FRMD5: variants seen among roughly 807,000 people sequenced by gnomAD.
FRMD5 encodes FERM domain-containing protein 5.
FRMD5 carries 20 observed loss-of-function variants against 69.0 expected under a neutral mutation model. The ratio of observed to expected loss-of-function variants is 0.29; its 90% CI spans 0.20 to 0.42. The LOEUF is 0.42. Ranked by LOEUF, FRMD5 falls within the 10% of genes least tolerant of loss-of-function variation. The probability of loss-of-function intolerance (pLI) is 1.00; values close to 1 mark genes in which losing one functional copy is unlikely to be tolerated. For synonymous variants in FRMD5, 271 were observed against 260.1 expected, an observed-to-expected ratio of 1.04 and a Z score of -0.40; for missense variants, 595 against 708.6, an observed-to-expected ratio of 0.84 and a Z score of 1.82.
intron 1 of FRMD5, among the ~76,000 whole-genome samples, chr15:44,095,130 T>C (rs1196750519): frequency 6.6e-6 from 1 of 151,954 alleles, no homozygotes; most frequent in African/African-American, 2.4e-5. Context: ...ATCTGAGACC[T>C]GATCAGAATC....
chr15:44,023,708 C>CTA (rs770780378), intron 1 of FRMD5, among the ~76,000 whole-genome samples: 14 of 152,156 alleles, frequency 9.2e-5, no homozygotes, highest in Admixed American at 2.0e-4. Flanking sequence ...AATTGGCAAA[C>CTA]ACTAAAGTCT....
intron 1 of FRMD5, among the ~76,000 whole-genome samples, chr15:44,145,429 G>A (rs2077341419): frequency 6.6e-6 from 1 of 152,088 alleles, no homozygotes; most frequent in Admixed American, 6.6e-5. Context: ...CAGTGTTCTT[G>A]TACCAGTGAA....
intron 1 of FRMD5, among the ~76,000 whole-genome samples, chr15:44,059,397 C>G (rs1270165670): frequency 5.9e-5 from 9 of 152,136 alleles, no homozygotes; most frequent in Admixed American, 5.9e-4. Flanking sequence ...CTAGAATTTT[C>G]TCTGGGCCTT....
intron 1 of FRMD5, chr15:44,194,740 C>T: frequency 1.5e-6 from 1 of 653,838 alleles, no homozygotes; most frequent in East Asian, 3.0e-5. Flanking sequence ...CGGAGACTCG[C>T]CCCGCGGCGG....
chr15:44,022,363 G>C (rs1891244626), intron 1 of FRMD5, among the ~76,000 whole-genome samples: 1 of 151,352 alleles, frequency 6.6e-6, no homozygotes, highest in South Asian at 2.1e-4. Context: ...CCAGGAGTTT[G>C]AGACCAGCCT....
chr15:44,171,974 G>A lies in FRMD5; in HGVS notation c.102+22979C>T, dbSNP rs773653127. On this transcript the variant is annotated intron_variant, in intron 1 of 13. Transcript: ENST00000417257. The stretch of plus-strand genomic sequence containing the variant: ...AGACATGGTTTCACCATGTTGGCCA[G>A]GCTGGTCTCAAACTCCTGACCTCAA... Among the ~76,000 whole-genome samples the A allele has an allele frequency of 8.2e-4, 125 of 152,088 alleles. 1 individual carries two copies. The highest frequency in any genetic ancestry group is 1.4e-3 in the Non-Finnish European group (97 of 68,010).
rs969519315 is a variant in FRMD5 at position 44,195,010 on chromosome 15, G to C, written c.45C>G (p.Arg15=). The part of the protein sequence containing the change: ...LMSGSSRSLE[R]EYSCTVRLLD... ...GCAGCCGCACGGTGCAGCTGTACTCGCGCTCCAGGCTCCTGCTGCTGCCGC... is the reference window on the plus strand; with the variant it reads ...GCAGCCGCACGGTGCAGCTGTACTCCCGCTCCAGGCTCCTGCTGCTGCCGC... The change falls in exon 1 of 14, where the codon CGC becomes CGG. Residue 15 remains arginine, a synonymous_variant. Coordinates refer to ENST00000417257, the MANE Select transcript of FRMD5 (RefSeq NM_032892.5). 3 of 1,560,128 alleles carry C rather than the reference G, an allele frequency of 1.9e-6. No individual in the cohort carries two copies. The highest frequency in any genetic ancestry group is 1.4e-5 in the African/African-American group (1 of 71,994).
chr15:44,024,376 C>A (rs922683495), intron 1 of FRMD5, among the ~76,000 whole-genome samples: 2 of 152,238 alleles, frequency 1.3e-5, no homozygotes, highest in African/African-American at 4.8e-5. Context: ...CTTCACAACA[C>A]CAGAGTGTTC....
chr15:43,959,718 C>T (rs2090167018), intron 1 of FRMD5, among the ~76,000 whole-genome samples: 1 of 152,102 alleles, frequency 6.6e-6, no homozygotes, highest in Admixed American at 6.5e-5. Flanking sequence ...ACTCCACTGA[C>T]AATATTTTTT....
At chr15:44,195,521 C>T (rs1396729700), upstream of FRMD5, among the ~76,000 whole-genome samples, 19 of 152,314 alleles carry the variant, frequency 1.2e-4, no homozygotes, top group Non-Finnish European at 2.9e-5. Flanking sequence ...GATGCTGTTT[C>T]CCCTCCCCCG....
intron 1 of FRMD5, among the ~76,000 whole-genome samples, chr15:44,059,045 G>A (rs1892985994): frequency 6.6e-6 from 1 of 152,182 alleles, no homozygotes; most frequent in African/African-American, 2.4e-5. Flanking sequence ...AGGAACCTGT[G>A]CAACTGGCAG....
chr15:43,938,849 C>T (rs2089810044), intron 1 of FRMD5, among the ~76,000 whole-genome samples: 2 of 152,082 alleles, frequency 1.3e-5, no homozygotes, highest in Non-Finnish European at 2.9e-5. Context: ...ACACCATGCT[C>T]ATCCTTAATA....
intron 13 of FRMD5, chr15:43,875,840 C>G: frequency 4.7e-5 from 7 of 148,928 alleles, no homozygotes; most frequent in East Asian, 3.6e-4. Context: ...TTCAGTCTTT[C>G]ATATGATTTT....
intron 1 of FRMD5, among the ~76,000 whole-genome samples, chr15:44,191,922 T>TATATATATATATATATATATATATA (rs1279440991): frequency 1.1e-4 from 1 of 8,928 alleles, no homozygotes; most frequent in African/African-American, 5.3e-4. Flanking sequence ...TATATATATA[T>TATATATATATATATATATATATATA]TATATATATA....
chr15:43,997,745 T>A (rs1189411332), intron 1 of FRMD5, among the ~76,000 whole-genome samples: 3 of 152,152 alleles, frequency 2.0e-5, no homozygotes, highest in South Asian at 2.1e-4. Flanking sequence ...CGTCTATCTA[T>A]CTCTACTCTT....
At chr15:43,910,905 A>G (rs1053428041) in intron 4 of FRMD5, among the ~76,000 whole-genome samples, 5 of 152,274 alleles carry the variant, frequency 3.3e-5, no homozygotes, top group Non-Finnish European at 7.3e-5. Flanking sequence ...TAAGTGAAAG[A>G]GCCAGGATTC....
chr15:44,045,601 A>G (rs1054573024), intron 1 of FRMD5, among the ~76,000 whole-genome samples: 3 of 152,240 alleles, frequency 2.0e-5, no homozygotes, highest in African/African-American at 4.8e-5. Context: ...ATTAAGAAAT[A>G]TCAGTTGACA....
intron 1 of FRMD5, among the ~76,000 whole-genome samples, chr15:44,128,300 C>T (rs1312253618): frequency 6.6e-6 from 1 of 152,010 alleles, no homozygotes; most frequent in East Asian, 1.9e-4. Context: ...GCCAACATGG[C>T]GAAACCCTGT....
In FRMD5 at chr15:44,162,807, C is replaced by T. The variant is rs562852655; in HGVS notation, c.102+32146G>A. Among the ~76,000 whole-genome samples the T allele has an allele frequency of 8.3e-5, 11 of 133,310 alleles. No individual in the cohort carries two copies. The South Asian group carries it at 2.1e-3, about 25-fold the overall frequency. 87.5% of individuals were successfully genotyped at this position (133,310 alleles called of 152,430 possible). ...GCTTGAACCTGGGAGGCAGAGGTTG[C>T]GGTGAGCCAAGATCGGGCCACTGTA... is the stretch of plus-strand genomic sequence containing the variant. On this transcript the variant is annotated intron_variant, in intron 1 of 13. Transcript: ENST00000417257.
Sources: gnomAD v4.1 joint callset for allele counts (sites outside exome capture counted in the v4.1 genomes callset) on GRCh38, gnomAD v4.1.1 for gene constraint, MANE v1.5 for transcripts, NCBI Gene and HGNC (gene_info 2026-07-23, HGNC 2026-07-21) for gene names.